Variants in ACAT1 observed in about 807,000 individuals in gnomAD.
ACAT1 encodes acetyl-CoA acetyltransferase, mitochondrial.
A neutral mutation model predicts 47.3 loss-of-function variants in ACAT1; 28 were observed. That is an observed-to-expected ratio of 0.59 (90% CI 0.44 to 0.81). The LOEUF (loss-of-function observed/expected upper bound fraction) is 0.81, where lower values mean the gene tolerates loss of function less well. ACAT1 is among the 30% of genes least tolerant of loss of function. The pLI is 0.00. For missense variants in ACAT1, 469 were observed against 524.3 expected (o/e 0.89, Z 1.03); for synonymous variants, 181 against 173.6 (o/e 1.04, Z -0.34).
rs2077330163 is a variant in ACAT1 at position 108,130,157 on chromosome 11, C to A, written c.73-1750C>A. Among the ~76,000 whole-genome samples, 3 of 152,014 alleles carry A rather than the reference C, an allele frequency of 2.0e-5. No homozygotes were observed. In the South Asian group the frequency reaches 6.2e-4, roughly 32 times the overall value. On this transcript the variant is annotated intron_variant, in intron 1 of 11. Transcript: ENST00000265838. ...GTGGCATTGGCTGGTCAGCTCCAGC[C>A]CCTTTTGACTTTTCAGTCCCAGTCC... is the stretch of plus-strand genomic sequence containing the variant.
intron 9 of ACAT1, chr11:108,143,675 G>C (rs2077637425): frequency 8.0e-6 from 2 of 249,592 alleles, no homozygotes; most frequent in African/African-American, 4.5e-5. Context: ...ATGCATTGTA[G>C]ATGTTTAGCA....
At chr11:108,135,033 G>T in intron 4 of ACAT1, 109 bp from the exon 5 acceptor site, 14 of 678,474 alleles carry the variant, frequency 2.1e-5, no homozygotes, top group Non-Finnish European at 2.9e-5. Context: ...GATATAATTT[G>T]TAGTTATATT....
intron 1 of ACAT1, among the ~76,000 whole-genome samples, chr11:108,130,465 C>T (rs1460189950): frequency 6.6e-6 from 1 of 152,040 alleles, no homozygotes; most frequent in East Asian, 1.9e-4. Context: ...GTGATCTTGG[C>T]TCACTGCAAG....
chr11:108,134,485 A>T, intron 4 of ACAT1, 169 bp downstream of exon 4: 1 of 505,858 alleles, frequency 2.0e-6, no homozygotes, highest in Non-Finnish European at 3.7e-6. Flanking sequence ...TCTACTAAAA[A>T]TACAAAAATT....
chr11:108,141,469 T>G, intron 7 of ACAT1, 136 bp from the exon 8 acceptor site: 2 of 665,998 alleles, frequency 3.0e-6, no homozygotes, highest in Non-Finnish European at 5.4e-6. Flanking sequence ...AGATTCTAGA[T>G]GAGTGTTTAC....
At position 108,140,097 on chromosome 11, in the gene ACAT1, G is replaced by A. The variant is rs1362746392; in HGVS notation, c.612G>A (p.Leu204=). 1 of 1,614,108 alleles carries A rather than the reference G, an allele frequency of 6.2e-7. No homozygotes were observed. Among genetic ancestry groups the A allele is most frequent in the Non-Finnish European group, 8.5e-7 (1 of 1,179,970 alleles). The change falls in exon 7 of 12, where the codon CTG becomes CTA. Residue 204 remains leucine, a synonymous_variant. Coordinates refer to ENST00000265838, the MANE Select transcript of ACAT1 (RefSeq NM_000019.4). ...GSCAENTAKK[L]NIARNEQDAY... ...GTGCTGAGAATACAGCAAAGAAGCT[G>A]AATATTGCACGAAATGAACAGGACG... is the stretch of plus-strand genomic sequence containing the variant.
intron 1 of ACAT1, among the ~76,000 whole-genome samples, chr11:108,123,667 CCTTTTT>C (rs1334212697): frequency 6.6e-6 from 1 of 152,138 alleles, no homozygotes; most frequent in African/African-American, 2.4e-5. Context: ...ACAGTGATTT[CCTTTTT>C]CTTTGTTTTT....
intron 9 of ACAT1, 53 bp from the exon 10 acceptor site, chr11:108,143,930 T>G: frequency 6.4e-7 from 1 of 1,552,204 alleles, no homozygotes; most frequent in Non-Finnish European, 8.8e-7. Flanking sequence ...GCATATTCTA[T>G]ACAGTAAAAA....
intron 10 of ACAT1, 54 bp from the exon 11 acceptor site, chr11:108,146,148 G>GTAAGT (rs2077703248): frequency 1.4e-6 from 2 of 1,401,902 alleles, no homozygotes. Context: ...AATGATGACA[G>GTAAGT]TAAGTTGTGA....
At chr11:108,116,875 TG>T (rs1370242436), upstream of ACAT1, among the ~76,000 whole-genome samples, 3 of 152,184 alleles carry the variant, frequency 2.0e-5, no homozygotes, top group African/African-American at 7.2e-5. Context: ...TGCCAACACC[TG>T]GATCTTGGAC....
chr11:108,139,933 G>A lies in ACAT1; in HGVS notation c.580-132G>A, dbSNP rs984856489. ...CCCAAAGTGCTGGGATTACAGGCATGAGCCACCACCTCCGGCCTAAGAAAT... is the reference window on the plus strand; with the variant it reads ...CCCAAAGTGCTGGGATTACAGGCATAAGCCACCACCTCCGGCCTAAGAAAT... On this transcript the variant is annotated intron_variant, in intron 6 of 11. Coordinates refer to ENST00000265838, the MANE Select transcript of ACAT1 (RefSeq NM_000019.4). The A allele has an allele frequency of 2.9e-5, 33 of 1,155,384 alleles. No homozygotes were observed. In the African/African-American group the frequency reaches 3.4e-4, roughly 12 times the overall value. 71.6% of individuals were successfully genotyped at this position (1,155,384 alleles called of 1,614,324 possible). A position where few individuals can be genotyped will look rare whatever the true frequency, so the allele number is the denominator to read the frequency against.
chr11:108,136,681 C>T (rs1410997953), intron 5 of ACAT1: 1 of 152,144 alleles, frequency 6.6e-6, no homozygotes, highest in Non-Finnish European at 1.5e-5. Flanking sequence ...CCTTAGAAAA[C>T]AGTCAGTTTT....
rs1412473084 is a variant in ACAT1 at position 108,131,892 on chromosome 11, ATATT to A, written c.73-11_73-8del. The A allele has an allele frequency of 8.3e-7, 1 of 1,204,302 alleles. No homozygotes were observed. Among genetic ancestry groups the A allele is most frequent in the Non-Finnish European group, 1.2e-6 (1 of 844,082 alleles). 74.6% of individuals were successfully genotyped at this position (1,204,302 alleles called of 1,614,324 possible). On this transcript the variant is annotated splice_polypyrimidine_tract_variant and intron_variant, in intron 1 of 11. Coordinates refer to ENST00000265838, the MANE Select transcript of ACAT1 (RefSeq NM_000019.4). ...TATTTTTTACATTATAACATTATAA[ATATT>A]TATATTACAGGAAATAAGATATGTG...
chr11:108,144,019 C>T lies in ACAT1; in HGVS notation c.977C>T (p.Pro326Leu). 7.4e-7 allele frequency: 1 copy of T among 1,344,898 alleles called. No individual in the cohort carries two copies. The highest frequency in any genetic ancestry group is 1.9e-5 in the Admixed American group (1 of 51,296). 83.3% of individuals were successfully genotyped at this position (1,344,898 alleles called of 1,614,324 possible). The change falls in exon 10 of 12, where the codon CCA (proline) becomes CTA (leucine). Residue 326 changes from proline to leucine, a missense_variant. Pro to Leu is a moderately conservative substitution (Grantham distance 98). Transcript: ENST00000265838. ...ADAAVEPIDFPIAPVYAASMV... is the reference protein window; with the variant it reads ...ADAAVEPIDFLIAPVYAASMV... ...GCTGCTGTAGAACCTATTGATTTTC[C>T]AATTGCTCCTGTATATGCTGCATCT...
At chr11:108,119,515 T>C (rs980435419), upstream of ACAT1, among the ~76,000 whole-genome samples, 3 of 152,228 alleles carry the variant, frequency 2.0e-5, no homozygotes, top group South Asian at 2.1e-4. Context: ...ACCAGTCATC[T>C]TTTACTGTGT....
intron 1 of ACAT1, among the ~76,000 whole-genome samples, chr11:108,123,072 C>CACAAA (rs1290371005): frequency 6.6e-6 from 1 of 151,524 alleles, no homozygotes; most frequent in Non-Finnish European, 1.5e-5. Context: ...TAAAAATACA[C>CACAAA]ACACACACAA....
At chr11:108,145,681 T>A (rs907329798) in intron 10 of ACAT1, among the ~76,000 whole-genome samples, 1 of 152,192 alleles carries the variant, frequency 6.6e-6, no homozygotes, top group Non-Finnish European at 1.5e-5. Context: ...AAATTTTCTG[T>A]CCCCTATGTC....
intron 1 of ACAT1, among the ~76,000 whole-genome samples, chr11:108,125,261 T>A (rs1164588479): frequency 6.6e-6 from 1 of 152,242 alleles, no homozygotes; most frequent in Non-Finnish European, 1.5e-5. Flanking sequence ...GAGCCCTCCC[T>A]GAAAGATAAT....
At position 108,131,725 on chromosome 11, in the gene ACAT1, G is replaced by C. The variant is rs147796872; in HGVS notation, c.73-182G>C. ...TTCCAATGAATAGTTAATTAGAAAA[G>C]TTTATTATAAAGCAGTCATTTTTTT... is the stretch of plus-strand genomic sequence containing the variant. On this transcript the variant is annotated intron_variant, in intron 1 of 11. Transcript: ENST00000265838. Among the ~76,000 whole-genome samples the C allele has an allele frequency of 4.9e-4, 75 of 152,034 alleles. No individual in the cohort carries two copies. The East Asian group carries it at 0.013, about 25-fold the overall frequency.
Sources: allele counts gnomAD v4.1 joint callset (sites outside exome capture counted in the v4.1 genomes callset), GRCh38; gene constraint gnomAD v4.1.1; transcripts MANE v1.5; gene names NCBI Gene and HGNC (gene_info 2026-07-23, HGNC 2026-07-21).